Variants in BCR observed in about 807,000 individuals in gnomAD.
BCR encodes the protein BCR activator of RhoGEF and GTPase, also known as breakpoint cluster region protein.
Under a neutral mutation model 138.6 loss-of-function variants are expected in BCR, and 58 were observed. The observed-to-expected ratio is 0.42, with a 90% CI of 0.34 to 0.52. The LOEUF is 0.52. BCR is among the 20% of genes least tolerant of loss of function. The pLI is 0.06. For missense variants in BCR, 1,599 were observed against 1,727.2 expected, an observed-to-expected ratio of 0.93 and a Z score of 1.32; for synonymous variants, 786 against 730.1, an observed-to-expected ratio of 1.08 and a Z score of -1.23.
intron 1 of BCR, among the ~76,000 whole-genome samples, chr22:23,184,309 T>A (rs2072310644): frequency 6.6e-6 from 1 of 152,060 alleles, no homozygotes; most frequent in African/African-American, 2.4e-5. Flanking sequence ...CAGGCTGGTA[T>A]CAAACTCCTG....
At chr22:23,230,212 C>T (rs1013460909) in intron 1 of BCR, among the ~76,000 whole-genome samples, 3 of 152,164 alleles carry the variant, frequency 2.0e-5, no homozygotes, top group Non-Finnish European at 4.4e-5. Context: ...CCCTTATCTA[C>T]CTTTTTGAGT....
At chr22:23,206,700 C>T (rs535056890) in intron 1 of BCR, among the ~76,000 whole-genome samples, 1 of 152,228 alleles carries the variant, frequency 6.6e-6, no homozygotes, top group South Asian at 2.1e-4. Context: ...GATGAGCAAA[C>T]TTGCTCCTCT....
chr22:23,231,492 G>A (rs2072957675), intron 1 of BCR, among the ~76,000 whole-genome samples: 2 of 118,714 alleles, frequency 1.7e-5, no homozygotes, highest in African/African-American at 3.3e-5. Context: ...AGCCAACAGA[G>A]CAAGACCCCG....
chr22:23,276,668 C>T (rs1272382647), intron 8 of BCR, among the ~76,000 whole-genome samples: 1 of 152,248 alleles, frequency 6.6e-6, no homozygotes, highest in African/African-American at 2.4e-5. Context: ...TGATAGATGC[C>T]TGTGCTTTGC....
Position 23,181,731 on chromosome 22 carries a change from G to A in BCR, c.771G>A (p.Lys257=), listed in dbSNP as rs985732989. The change falls in exon 1 of 23, where the codon AAG becomes AAA. Residue 257 remains lysine, a synonymous_variant. Transcript: ENST00000305877. ...CCGAGTTGAACCCCCGCTTCCTGAA[G>A]GACAACCTGATCGACGCCAATGGCG... is the stretch of plus-strand genomic sequence containing the variant. ...EDAELNPRFL[K]DNLIDANGGS... is the part of the protein sequence containing the mutation. 2 of 1,604,128 alleles carry A rather than the reference G, an allele frequency of 1.2e-6. No individual in the cohort carries two copies. The highest frequency in any genetic ancestry group is 1.7e-5 in the Admixed American group (1 of 60,022).
intron 2 of BCR, among the ~76,000 whole-genome samples, chr22:23,254,905 A>G (rs1255570957): frequency 1.3e-5 from 2 of 152,116 alleles, no homozygotes; most frequent in Non-Finnish European, 2.9e-5. Context: ...GCTCACACCT[A>G]TAATCCCAGC....
intron 11 of BCR, 151 bp downstream of exon 11, chr22:23,287,429 G>A (rs985754234): frequency 7.6e-7 from 1 of 1,321,708 alleles, no homozygotes; most frequent in Non-Finnish European, 1.0e-6. Context: ...TCCTTTGTCT[G>A]GGGCTTTGGG....
intron 7 of BCR, 90 bp from the exon 8 acceptor site, chr22:23,273,544 C>A: frequency 6.4e-7 from 1 of 1,560,760 alleles, no homozygotes; most frequent in Non-Finnish European, 8.7e-7. Context: ...GCGCTCTGGG[C>A]TCCGTCCACA....
chr22:23,197,720 G>C (rs2072500064), intron 1 of BCR, among the ~76,000 whole-genome samples: 1 of 152,036 alleles, frequency 6.6e-6, no homozygotes, highest in Non-Finnish European at 1.5e-5. Flanking sequence ...CTGGAGAGGG[G>C]ATGCCTTTGG....
chr22:23,313,931 G>C (rs371507662), intron 20 of BCR, 37 bp from the exon 21 acceptor site: 3 of 1,565,210 alleles, frequency 1.9e-6, no homozygotes, highest in African/African-American at 1.4e-5. Context: ...TCTCTGGCTC[G>C]TTGTGACCCC....
intron 5 of BCR, 69 bp downstream of exon 5, chr22:23,268,584 G>A: frequency 7.7e-7 from 1 of 1,296,770 alleles, no homozygotes; most frequent in Non-Finnish European, 1.1e-6. Flanking sequence ...CTCCCGAGGA[G>A]AACAGAGTGC....
intron 1 of BCR, among the ~76,000 whole-genome samples, chr22:23,228,459 T>C (rs1239080951): frequency 6.6e-6 from 1 of 152,232 alleles, no homozygotes; most frequent in Non-Finnish European, 1.5e-5. Flanking sequence ...TAGTTTCCTA[T>C]TGCAGCTGCA....
At chr22:23,262,522 A>G (rs1020249767) in intron 4 of BCR, among the ~76,000 whole-genome samples, 1 of 152,124 alleles carries the variant, frequency 6.6e-6, no homozygotes, top group Admixed American at 6.5e-5. Context: ...CTGTATTTTG[A>G]TACATGCTGC....
chr22:23,196,440 G>A (rs1462378565), intron 1 of BCR, among the ~76,000 whole-genome samples: 1 of 152,170 alleles, frequency 6.6e-6, no homozygotes, highest in Admixed American at 6.6e-5. Context: ...CTTAGGGGAC[G>A]AGGTTGTGGA....
At chr22:23,194,334 G>A (rs867544306) in intron 1 of BCR, among the ~76,000 whole-genome samples, 15 of 151,988 alleles carry the variant, frequency 9.9e-5, no homozygotes, top group African/African-American at 3.4e-4. Context: ...CAGGCTGGGC[G>A]TGGTGGCTCA....
At chr22:23,252,595 T>A (rs1448578640) in intron 1 of BCR, among the ~76,000 whole-genome samples, 1 of 110,908 alleles carries the variant, frequency 9.0e-6, no homozygotes, top group Admixed American at 9.6e-5. Context: ...CATGCCCACC[T>A]AATTTTTTAT....
At chr22:23,313,167 G>A (rs1245236277) in intron 20 of BCR, 146 bp downstream of exon 20, 6 of 1,046,760 alleles carry the variant, frequency 5.7e-6, no homozygotes, top group African/African-American at 3.2e-5. Flanking sequence ...AAAAAGCAGG[G>A]GACCAGAACC....
At chr22:23,256,271 C>T (rs1231703485) in intron 2 of BCR, among the ~76,000 whole-genome samples, 2 of 152,156 alleles carry the variant, frequency 1.3e-5, no homozygotes, top group African/African-American at 4.8e-5. Flanking sequence ...CTCATTTGGT[C>T]CCAGATGCTG....
chr22:23,283,199 C>G (rs546277939), intron 8 of BCR: 2 of 152,454 alleles, frequency 1.3e-5, no homozygotes, highest in South Asian at 4.1e-4. Flanking sequence ...AAGGACCGAC[C>G]CTTGCCTTTC....
Sources: allele counts gnomAD v4.1 joint callset (sites outside exome capture counted in the v4.1 genomes callset), GRCh38; gene constraint gnomAD v4.1.1; transcripts MANE v1.5; gene names NCBI Gene and HGNC (gene_info 2026-07-23, HGNC 2026-07-21).